PLXDC2: variants seen among roughly 807,000 people sequenced by gnomAD.
PLXDC2 encodes the protein plexin domain-containing protein 2.
A neutral mutation model predicts 68.9 loss-of-function variants in PLXDC2; 40 were observed. The ratio of observed to expected loss-of-function variants is 0.58; its 90% confidence interval spans 0.45 to 0.76. The LOEUF (loss-of-function observed/expected upper bound fraction) is 0.76. Ranked by LOEUF, PLXDC2 falls within the 30% of genes least tolerant of loss-of-function variation. The probability of loss-of-function intolerance (pLI) is 0.00; values close to 1 mark genes in which losing one functional copy is unlikely to be tolerated. For missense variants in PLXDC2, 644 were observed against 661.9 expected, an observed-to-expected ratio of 0.97 and a Z score of 0.30; for synonymous variants, 243 against 234.2, an observed-to-expected ratio of 1.04 and a Z score of -0.34.
At chr10:19,975,511 G>A (rs997479315) in intron 1 of PLXDC2, among the ~76,000 whole-genome samples, 21 of 151,882 alleles carry the variant, frequency 1.4e-4, no homozygotes, top group African/African-American at 5.1e-4. Flanking sequence ...AGGAAGATGA[G>A]ATTTTAGTTC....
chr10:20,238,263 T>C (rs1437616392), intron 12 of PLXDC2, among the ~76,000 whole-genome samples: 1 of 151,628 alleles, frequency 6.6e-6, no homozygotes, highest in Non-Finnish European at 1.5e-5. Flanking sequence ...CCTCCTTCTT[T>C]ATTTTCCATG....
In PLXDC2 at chr10:20,164,516, G is replaced by A; in HGVS notation, c.832G>A (p.Val278Ile). 6.2e-7 allele frequency: 1 copy of A among 1,613,694 alleles called. No individual in the cohort carries two copies. The highest frequency in any genetic ancestry group is 8.5e-7 in the Non-Finnish European group (1 of 1,179,824). Residue 278 changes from valine (V) to isoleucine (I), a missense_variant, in exon 7 of 14, where the codon GTC becomes ATC. Val to Ile is a conservative substitution (Grantham distance 29, BLOSUM62 3). Coordinates refer to ENST00000377252, the MANE Select transcript of PLXDC2 (RefSeq NM_032812.9). ...QISSTNHPVK[V>I]GLSDAFVVVH... ...AAGTTCAACCAATCATCCAGTGAAA[G>A]TCGGACTGTCCGATGCATTTGTCGT...
Position 20,091,061 on chromosome 10 carries a change from C to A in PLXDC2, c.541+22822C>A, listed in dbSNP as rs186807986. Among the ~76,000 whole-genome samples the A allele has an allele frequency of 3.1e-4, 47 of 152,228 alleles. No individual in the cohort carries two copies. In the East Asian group the frequency reaches 7.1e-3, roughly 23 times the overall value. On this transcript the variant is annotated intron_variant, in intron 4 of 13. Transcript: ENST00000377252. ...GTGAATTTAATTACTGCCAGCCCCCCCACACCCCGGTTTTAAAACATCAAT... is the reference window on the plus strand; with the variant it reads ...GTGAATTTAATTACTGCCAGCCCCCACACACCCCGGTTTTAAAACATCAAT...
At chr10:19,911,948 T>C (rs1833278572) in intron 1 of PLXDC2, among the ~76,000 whole-genome samples, 1 of 152,252 alleles carries the variant, frequency 6.6e-6, no homozygotes, top group African/African-American at 2.4e-5. Context: ...GTCTGTCTGC[T>C]GTGTCTCAAA....
At position 19,816,482 on chromosome 10, in the gene PLXDC2, A is replaced by G. The variant is rs529188235; in HGVS notation, c.-598A>G. Reference sequence around the variant, plus strand: ...AGGGCTCAGCTCTTTGGAGCTGCCCATTCCTCCGGCTGCGAGAAAGGACGC... The same window carrying G: ...AGGGCTCAGCTCTTTGGAGCTGCCCGTTCCTCCGGCTGCGAGAAAGGACGC... On this transcript the variant is annotated 5_prime_UTR_variant, in exon 1 of 14. Transcript: ENST00000377252. 1.4e-5 allele frequency: 2 copies of G among 143,160 alleles called. No homozygotes were observed. The highest frequency in any genetic ancestry group is 5.4e-5 in the African/African-American group (2 of 37,154). The allele number at this position is 143,160 out of a possible 1,614,324, so 8.9% of individuals were successfully genotyped here.
At position 20,123,417 on chromosome 10, in the gene PLXDC2, C is replaced by T. The variant is rs1467608269; in HGVS notation, c.542-19878C>T. On this transcript the variant is annotated intron_variant, in intron 4 of 13. Coordinates refer to ENST00000377252, the MANE Select transcript of PLXDC2 (RefSeq NM_032812.9). ...ACGTCAGGCATCTCAGATCATTTGCCCATTTTACAACAAGAATTATTTAGA... is the reference window on the plus strand; with the variant it reads ...ACGTCAGGCATCTCAGATCATTTGCTCATTTTACAACAAGAATTATTTAGA... 2.0e-5 allele frequency among the ~76,000 whole-genome samples: 3 copies of T among 152,084 alleles called. No individual in the cohort carries two copies. In the East Asian group the frequency reaches 5.8e-4, roughly 29 times the overall value.
intron 1 of PLXDC2, among the ~76,000 whole-genome samples, chr10:19,947,590 C>G (rs1172981268): frequency 6.6e-6 from 1 of 152,080 alleles, no homozygotes; most frequent in African/African-American, 2.4e-5. Context: ...AAAAATTGAC[C>G]TGTCTCATTG....
At chr10:19,928,732 T>C (rs1465794185) in intron 1 of PLXDC2, among the ~76,000 whole-genome samples, 4 of 147,980 alleles carry the variant, frequency 2.7e-5, no homozygotes, top group Non-Finnish European at 5.9e-5. Context: ...TCTTCGGTGA[T>C]GGAAGGGAAG....
At chr10:20,277,208 CAAAAAAAAAA>C (rs60978653) in intron 13 of PLXDC2, among the ~76,000 whole-genome samples, 1,477 of 68,024 alleles carry the variant, frequency 0.022, 24 homozygotes, top group African/African-American at 0.066. Flanking sequence ...GATTCCATCT[CAAAAAAAAAA>C]AAAAAAAAAA....
chr10:20,122,115 TGTAG>T (rs1037378461), intron 4 of PLXDC2, among the ~76,000 whole-genome samples: 1 of 151,876 alleles, frequency 6.6e-6, no homozygotes, highest in African/African-American at 2.4e-5. Context: ...AAGCAGATAA[TGTAG>T]TTAAAGTGTC....
intron 13 of PLXDC2, among the ~76,000 whole-genome samples, chr10:20,269,843 T>C (rs2990433): frequency 0.85 from 129,281 of 151,762 alleles, 55,508 homozygotes; most frequent in Middle Eastern, 0.94. Context: ...CATGGTGAAA[T>C]CCCGTTTCTA....
intron 3 of PLXDC2, among the ~76,000 whole-genome samples, chr10:20,063,448 T>C (rs1836139922): frequency 1.3e-5 from 2 of 152,174 alleles, no homozygotes; most frequent in African/African-American, 4.8e-5. Flanking sequence ...CACTCCAGAT[T>C]CTTAGCTCTT....
chr10:20,026,068 T>A (rs1835396896), intron 2 of PLXDC2, among the ~76,000 whole-genome samples: 1 of 152,106 alleles, frequency 6.6e-6, no homozygotes, highest in Admixed American at 6.6e-5. Flanking sequence ...TGTAGAGTAT[T>A]CGATTATTCA....
At position 20,282,875 on chromosome 10, in the gene PLXDC2, A is replaced by G. The variant is rs748688159; in HGVS notation, c.*3056A>G. ...TATCAAGGGCATTTGCCAATCTCTT[A>G]TATGTAGCTTCTAGAGTTGTGCTGT... On this transcript the variant is annotated 3_prime_UTR_variant, in exon 14 of 14. Coordinates refer to ENST00000377252, the MANE Select transcript of PLXDC2 (RefSeq NM_032812.9). The G allele has an allele frequency of 6.6e-6, 1 of 152,216 alleles. No homozygotes were observed. Among genetic ancestry groups the G allele is most frequent in the Non-Finnish European group, 1.5e-5 (1 of 68,024 alleles). 9.4% of individuals were successfully genotyped at this position (152,216 alleles called of 1,614,324 possible).
chr10:19,955,350 A>G (rs1442610155), intron 1 of PLXDC2, among the ~76,000 whole-genome samples: 1 of 151,758 alleles, frequency 6.6e-6, no homozygotes, highest in African/African-American at 2.4e-5. Context: ...TGGATTTTGT[A>G]CCAAACTGAA....
At chr10:20,268,942 G>A (rs950568893) in intron 13 of PLXDC2, among the ~76,000 whole-genome samples, 1 of 152,110 alleles carries the variant, frequency 6.6e-6, no homozygotes, top group Non-Finnish European at 1.5e-5. Context: ...AACCACTTGT[G>A]GCAATGTGGC....
At chr10:20,121,143 G>C (rs530431814) in intron 4 of PLXDC2, among the ~76,000 whole-genome samples, 2 of 152,284 alleles carry the variant, frequency 1.3e-5, no homozygotes, top group Admixed American at 1.3e-4. Context: ...ATATGTGTCA[G>C]GTATGAGGAA....
At chr10:20,186,609 C>A (rs961308525) in intron 9 of PLXDC2, among the ~76,000 whole-genome samples, 7 of 151,884 alleles carry the variant, frequency 4.6e-5, no homozygotes, top group Non-Finnish European at 8.8e-5. Flanking sequence ...TTGTTCCCCT[C>A]TTTGTGTTCA....
At chr10:19,848,996 TC>T (rs1837065098) in intron 1 of PLXDC2, among the ~76,000 whole-genome samples, 1 of 152,212 alleles carries the variant, frequency 6.6e-6, no homozygotes, top group Non-Finnish European at 1.5e-5. Context: ...CCTATTAATA[TC>T]CTATTAATAT....
Sources: allele counts gnomAD v4.1 joint callset (sites outside exome capture counted in the v4.1 genomes callset), GRCh38; gene constraint gnomAD v4.1.1; transcripts MANE v1.5; gene names NCBI Gene and HGNC (gene_info 2026-07-23, HGNC 2026-07-21).